The following DIAPH1 variants were observed in gnomAD, a reference collection of about 807,000 sequenced individuals.
The protein encoded by DIAPH1 is diaphanous related formin 1.
In DIAPH1, 46 loss-of-function variants were observed where a neutral mutation model predicts 140.7. That is an observed-to-expected ratio of 0.33 (90% confidence interval 0.26 to 0.42). The LOEUF (loss-of-function observed/expected upper bound fraction) is 0.42. Ranked by LOEUF, DIAPH1 falls within the 10% of genes least tolerant of loss-of-function variation. The probability of loss-of-function intolerance (pLI) is 1.00; values close to 1 mark genes in which losing one functional copy is unlikely to be tolerated. For synonymous variants in DIAPH1, 565 were observed against 551.6 expected, an observed-to-expected ratio of 1.02 and a Z score of -0.34; for missense variants, 1,310 against 1,558.7, an observed-to-expected ratio of 0.84 and a Z score of 2.69.
chr5:141,561,631 T>G (rs577680647), intron 18 of DIAPH1, among the ~76,000 whole-genome samples: 1 of 152,200 alleles, frequency 6.6e-6, no homozygotes, highest in Admixed American at 6.5e-5. Flanking sequence ...AGAGAAAGTA[T>G]GTAGTACCCT....
At chr5:141,611,595 G>A (rs919851199) in intron 1 of DIAPH1, among the ~76,000 whole-genome samples, 69 of 152,110 alleles carry the variant, frequency 4.5e-4, no homozygotes, top group African/African-American at 1.6e-3. Flanking sequence ...AAGTCAGACA[G>A]ACAAAAGAAA....
At chr5:141,572,814 T>C (rs2099895386) in intron 16 of DIAPH1, among the ~76,000 whole-genome samples, 1 of 151,292 alleles carries the variant, frequency 6.6e-6, no homozygotes. Context: ...CCTGCGGAAT[T>C]GGGATAGGAG....
intron 24 of DIAPH1, among the ~76,000 whole-genome samples, chr5:141,527,314 C>G (rs2099887513): frequency 6.6e-6 from 1 of 152,048 alleles, no homozygotes; most frequent in Non-Finnish European, 1.5e-5. Context: ...ACCAAGGAGG[C>G]TGAGGGGGTA....
intron 27 of DIAPH1, among the ~76,000 whole-genome samples, chr5:141,517,484 A>C (rs936165132): frequency 1.3e-5 from 2 of 152,198 alleles, no homozygotes; most frequent in African/African-American, 4.8e-5. Flanking sequence ...AGCAGAAGGC[A>C]ACCTTCCGTA....
chr5:141,602,712 G>A (rs1248587284), intron 1 of DIAPH1, among the ~76,000 whole-genome samples: 2 of 152,152 alleles, frequency 1.3e-5, no homozygotes, highest in Admixed American at 1.3e-4. Context: ...ATATATGATG[G>A]AACCACTGAA....
chr5:141,561,009 T>C, intron 18 of DIAPH1: 1 of 447,502 alleles, frequency 2.2e-6, no homozygotes, highest in Non-Finnish European at 4.5e-6. Context: ...TCTCCTCCAA[T>C]CCCTAGTCTC....
chr5:141,571,854 G>T, intron 17 of DIAPH1, 72 bp downstream of exon 17: 1 of 1,076,792 alleles, frequency 9.3e-7, no homozygotes, highest in African/African-American at 1.5e-5. Context: ...GAAGGGAAGG[G>T]AATAGGAAAC....
Position 141,596,177 on chromosome 5 carries a change from C to CA in DIAPH1, c.118-7928dup, listed in dbSNP as rs1304562296. 3.3e-5 allele frequency among the ~76,000 whole-genome samples: 5 copies of CA among 152,092 alleles called. No homozygotes were observed. The East Asian group carries it at 7.8e-4, about 24-fold the overall frequency. Reference sequence around the variant, plus strand: ...ACTCGTCTCTACTAAAAAATAAATACAAAAAATTAGCCGGGCGTGGTGGCA... The same window carrying CA: ...ACTCGTCTCTACTAAAAAATAAATACAAAAAAATTAGCCGGGCGTGGTGGCA... On this transcript the variant is annotated intron_variant, in intron 1 of 27. Transcript: ENST00000389054.
intron 27 of DIAPH1, among the ~76,000 whole-genome samples, chr5:141,521,491 C>G (rs916185765): frequency 1.8e-4 from 27 of 152,164 alleles, no homozygotes; most frequent in African/African-American, 6.0e-4. Context: ...TTTAATGAAC[C>G]AAGCCTGATA....
intron 17 of DIAPH1, 102 bp downstream of exon 17, chr5:141,571,824 C>T: frequency 1.2e-6 from 1 of 863,870 alleles, no homozygotes; most frequent in Non-Finnish European, 2.0e-6. Context: ...TCCAACATAC[C>T]CTTTCTATCT....
intron 1 of DIAPH1, among the ~76,000 whole-genome samples, chr5:141,606,156 T>C (rs1308884584): frequency 2.6e-5 from 4 of 152,026 alleles, no homozygotes; most frequent in Non-Finnish European, 5.9e-5. Context: ...GGAGTATATG[T>C]GCTTATGAAA....
At chr5:141,607,004 G>T (rs1352595060) in intron 1 of DIAPH1, among the ~76,000 whole-genome samples, 1 of 132,030 alleles carries the variant, frequency 7.6e-6, no homozygotes, top group African/African-American at 2.8e-5. Context: ...TGAGAAAAAA[G>T]AAAAAGATTC....
rs543656493 is a variant in DIAPH1 at position 141,516,101 on chromosome 5, G to A, written c.*750C>T. On this transcript the variant is annotated 3_prime_UTR_variant, in exon 28 of 28. Transcript: ENST00000389054. ...AGGAGGGAAGGTGGCTCAGTAGCCTGGGGTTGGTGCAGAGCGTCCAGAGAG... is the reference window on the plus strand; with the variant it reads ...AGGAGGGAAGGTGGCTCAGTAGCCTAGGGTTGGTGCAGAGCGTCCAGAGAG... 6.4e-6 allele frequency: 1 copy of A among 155,086 alleles called. No individual in the cohort carries two copies. The highest frequency in any genetic ancestry group is 6.3e-5 in the Admixed American group (1 of 15,804). 9.6% of individuals were successfully genotyped at this position (155,086 alleles called of 1,614,324 possible).
Position 141,616,994 on chromosome 5 carries a change from T to C in DIAPH1, c.117+1804A>G, listed in dbSNP as rs186494399. ...TAGTAGACTTCACAAGTTCGTGAAA[T>C]AATTGTTAGATAAAATAGAGTACAT... On this transcript the variant is annotated intron_variant, in intron 1 of 27. Coordinates refer to ENST00000389054, the MANE Select transcript of DIAPH1 (RefSeq NM_005219.5). Among the ~76,000 whole-genome samples, 579 of 152,298 alleles carry C rather than the reference T, an allele frequency of 3.8e-3. 18 individuals are homozygous for C. Among genetic ancestry groups the C allele is most frequent in the Admixed American group, 0.036 (546 of 15,302 alleles).
chr5:141,612,852 A>C (rs139816672), intron 1 of DIAPH1, among the ~76,000 whole-genome samples: 2,719 of 152,310 alleles, frequency 0.018, 39 homozygotes, highest in South Asian at 0.03. Context: ...ACACAGACAG[A>C]TCTGAGATGT....
At chr5:141,617,902 C>CGAT (rs1424306095) in intron 1 of DIAPH1, among the ~76,000 whole-genome samples, 1 of 152,110 alleles carries the variant, frequency 6.6e-6, no homozygotes, top group Middle Eastern at 3.2e-3. Context: ...AAAGGGAAGC[C>CGAT]GATAGTCGCC....
At chr5:141,583,860 C>T (rs1186536478) in intron 4 of DIAPH1, among the ~76,000 whole-genome samples, 2 of 152,056 alleles carry the variant, frequency 1.3e-5, no homozygotes, top group African/African-American at 2.4e-5. Context: ...AGGGCAGATA[C>T]CCATCTCACA....
At chr5:141,549,455 T>C (rs1292029602) in intron 18 of DIAPH1, among the ~76,000 whole-genome samples, 1 of 152,100 alleles carries the variant, frequency 6.6e-6, no homozygotes, top group African/African-American at 2.4e-5. Context: ...AGTGGAAGAA[T>C]TAACACCCGT....
intron 18 of DIAPH1, among the ~76,000 whole-genome samples, chr5:141,556,898 T>C (rs1051398577): frequency 3.3e-5 from 5 of 152,200 alleles, no homozygotes; most frequent in Non-Finnish European, 7.3e-5. Context: ...TTTCGCCATA[T>C]TGGCCAGGCT....
Sources: gnomAD v4.1 joint callset for allele counts (sites outside exome capture counted in the v4.1 genomes callset) on GRCh38, gnomAD v4.1.1 for gene constraint, MANE v1.5 for transcripts, NCBI Gene and HGNC (gene_info 2026-07-23, HGNC 2026-07-21) for gene names.